The following CHP1 variants were observed in gnomAD, a reference collection of about 807,000 sequenced individuals.
CHP1 encodes the protein calcineurin B homologous protein 1.
In CHP1, 11 loss-of-function variants were observed where a neutral mutation model predicts 27.4. The observed-to-expected ratio is 0.40, with a 90% CI of 0.25 to 0.67. CHP1 has a LOEUF of 0.67. Among genes scored for constraint, CHP1 ranks in the 30% least tolerant of loss-of-function variants. The pLI is 0.38. For missense variants in CHP1, 169 were observed against 251.3 expected, an observed-to-expected ratio of 0.67 and a Z score of 2.22; for synonymous variants, 89 against 87.4, an observed-to-expected ratio of 1.02 and a Z score of -0.10.
intron 2 of CHP1, among the ~76,000 whole-genome samples, chr15:41,247,993 T>A (rs201590232): frequency 0.058 from 7,802 of 134,426 alleles, 559 homozygotes; most frequent in Admixed American, 0.17. Flanking sequence ...ATAAATAAAA[T>A]AAATAAATAA....
chr15:41,231,460 G>A lies in CHP1; in HGVS notation c.67+11G>A, dbSNP rs761151184. 2.5e-6 allele frequency: 4 copies of A among 1,596,838 alleles called. No individual in the cohort carries two copies. ...AGAAGGAGACCGGCTGTGAGTTCGGGTTGGGGGTGGGAACGCCGGGCGCCT... is the reference window on the plus strand; with the variant it reads ...AGAAGGAGACCGGCTGTGAGTTCGGATTGGGGGTGGGAACGCCGGGCGCCT... On this transcript the variant is annotated intron_variant, in intron 1 of 6. Coordinates refer to ENST00000334660, the MANE Select transcript of CHP1 (RefSeq NM_007236.5).
At chr15:41,278,448 C>T (rs1292424665) in intron 5 of CHP1, among the ~76,000 whole-genome samples, 2 of 152,024 alleles carry the variant, frequency 1.3e-5, no homozygotes, top group Non-Finnish European at 2.9e-5. Context: ...ATTATTTCGC[C>T]ACCCATGTAC....
At chr15:41,242,736 G>A (rs985778045) in intron 1 of CHP1, among the ~76,000 whole-genome samples, 8 of 151,936 alleles carry the variant, frequency 5.3e-5, no homozygotes, top group African/African-American at 1.7e-4. Flanking sequence ...CTGAGGTCAG[G>A]AGTTCAAGAC....
chr15:41,274,097 A>G (rs1250862222), intron 5 of CHP1, among the ~76,000 whole-genome samples: 1 of 151,698 alleles, frequency 6.6e-6, no homozygotes, highest in African/African-American at 2.4e-5. Context: ...AGTAGCTGGG[A>G]CTATAGGCAC....
At chr15:41,251,189 A>G (rs1247706999) in intron 2 of CHP1, among the ~76,000 whole-genome samples, 3 of 152,160 alleles carry the variant, frequency 2.0e-5, no homozygotes, top group Non-Finnish European at 4.4e-5. Flanking sequence ...AAGTGCACAA[A>G]TCAAAAGCAT....
At chr15:41,274,263 A>G (rs1392440295) in intron 5 of CHP1, among the ~76,000 whole-genome samples, 1 of 152,012 alleles carries the variant, frequency 6.6e-6, no homozygotes, top group Admixed American at 6.6e-5. Flanking sequence ...CTGGCCTAAT[A>G]ACTTTTGACT....
intron 3 of CHP1, 27 bp from the exon 4 acceptor site, chr15:41,262,729 G>T: frequency 1.9e-6 from 3 of 1,610,708 alleles, no homozygotes; most frequent in Non-Finnish European, 2.5e-6. Flanking sequence ...TTGACATGGT[G>T]TTGTGTTTGT....
chr15:41,236,989 C>G (rs1174104608), intron 1 of CHP1, among the ~76,000 whole-genome samples: 1 of 151,370 alleles, frequency 6.6e-6, no homozygotes, highest in East Asian at 1.9e-4. Flanking sequence ...GCCACCAGGC[C>G]TGGCTAATTT....
chr15:41,253,139 A>G (rs562998917), intron 2 of CHP1, among the ~76,000 whole-genome samples: 73 of 151,494 alleles, frequency 4.8e-4, no homozygotes, highest in African/African-American at 1.6e-3. Flanking sequence ...GGGTTTCACC[A>G]TGTTGGCCAG....
chr15:41,278,239 A>G (rs2047529053), intron 5 of CHP1, among the ~76,000 whole-genome samples: 1 of 150,020 alleles, frequency 6.7e-6, no homozygotes, highest in Non-Finnish European at 1.5e-5. Flanking sequence ...AGGCTGAGGC[A>G]GGAGAACGGC....
At chr15:41,265,283 GA>G (rs1029162026) in intron 4 of CHP1, among the ~76,000 whole-genome samples, 5 of 139,592 alleles carry the variant, frequency 3.6e-5, no homozygotes, top group African/African-American at 5.2e-5. Flanking sequence ...AGAATTGCTT[GA>G]ACCTGGGAGG....
At chr15:41,247,268 T>A (rs1235395552) in intron 2 of CHP1, among the ~76,000 whole-genome samples, 2 of 148,936 alleles carry the variant, frequency 1.3e-5, no homozygotes, top group African/African-American at 5.0e-5. Context: ...ACTTGGGAGG[T>A]TGAGGCAGGA....
In CHP1 at chr15:41,279,345, A is replaced by G. The variant is rs758105936; in HGVS notation, c.544A>G (p.Lys182Glu). ...SFTEFVKVLE[K>E]VDVEQKMSIR... Reference sequence around the variant, plus strand: ...TGGTTTTCTCCCCCAGGTTTTGGAGAAGGTGGATGTAGAACAGAAAATGAG... The same window carrying G: ...TGGTTTTCTCCCCCAGGTTTTGGAGGAGGTGGATGTAGAACAGAAAATGAG... Residue 182 changes from lysine to glutamate, a missense_variant, in exon 7 of 7, where the codon AAG becomes GAG. By Grantham distance (56) the Lys-to-Glu change is moderately conservative. Coordinates refer to ENST00000334660, the MANE Select transcript of CHP1 (RefSeq NM_007236.5). 1.2e-6 allele frequency: 2 copies of G among 1,613,650 alleles called. No individual in the cohort carries two copies. The highest frequency in any genetic ancestry group is 1.7e-6 in the Non-Finnish European group (2 of 1,179,788).
intron 4 of CHP1, chr15:41,264,217 C>T (rs1385985066): frequency 6.2e-6 from 8 of 1,287,016 alleles, no homozygotes; most frequent in South Asian, 2.5e-5. Context: ...TTGAGCAACA[C>T]TCCTCCCAAG....
intron 2 of CHP1, among the ~76,000 whole-genome samples, chr15:41,253,358 A>T (rs543291637): frequency 6.6e-6 from 1 of 152,116 alleles, no homozygotes; most frequent in East Asian, 1.9e-4. Flanking sequence ...CCAGATCTAC[A>T]TTCTACTATA....
chr15:41,270,473 T>G, intron 4 of CHP1, 84 bp from the exon 5 acceptor site: 2 of 981,460 alleles, frequency 2.0e-6, no homozygotes, highest in Non-Finnish European at 3.2e-6. Context: ...GTCAGTTTTC[T>G]GTCTAGTGTC....
intron 1 of CHP1, among the ~76,000 whole-genome samples, chr15:41,237,290 G>A (rs780405028): frequency 6.6e-6 from 1 of 151,304 alleles, no homozygotes; most frequent in Non-Finnish European, 1.5e-5. Flanking sequence ...GGGATTACAG[G>A]CATGTGCCAC....
intron 1 of CHP1, among the ~76,000 whole-genome samples, chr15:41,235,512 C>T (rs959170399): frequency 6.6e-6 from 1 of 151,934 alleles, no homozygotes; most frequent in African/African-American, 2.4e-5. Context: ...AGAAACAGAC[C>T]CTGTCTCAAA....
Position 41,262,776 on chromosome 15 carries a change from G to A in CHP1, c.242G>A (p.Arg81His), listed in dbSNP as rs1399967056. Reference protein sequence around the residue: ...FPEGEDQVNFRGFMRTLAHFR... With the variant: ...FPEGEDQVNFHGFMRTLAHFR... ...ATCAGAGAGGACCAGGTAAACTTCC[G>A]TGGATTCATGCGAACTTTGGCTCAT... The change falls in exon 4 of 7, where the codon CGT (arginine) becomes CAT (histidine). Residue 81 changes from arginine to histidine, a missense_variant. By Grantham distance (29) the Arg-to-His change is conservative (BLOSUM62 0). Coordinates refer to ENST00000334660, the MANE Select transcript of CHP1 (RefSeq NM_007236.5). 13 of 1,612,794 alleles carry A rather than the reference G, an allele frequency of 8.1e-6. No individual in the cohort carries two copies. Among genetic ancestry groups the A allele is most frequent in the Admixed American group, 3.3e-5 (2 of 59,970 alleles).
Sources: allele counts gnomAD v4.1 joint callset (sites outside exome capture counted in the v4.1 genomes callset), GRCh38; gene constraint gnomAD v4.1.1; transcripts MANE v1.5; gene names NCBI Gene and HGNC (gene_info 2026-07-23, HGNC 2026-07-21).